The following CASQ2 variants were observed in gnomAD, a reference collection of about 807,000 sequenced individuals.
CASQ2 encodes calsequestrin 2.
A neutral mutation model predicts 46.5 loss-of-function variants in CASQ2; 49 were observed. The observed-to-expected ratio is 1.05, with a 90% CI of 0.84 to 1.34. The LOEUF is 1.34. Among genes scored for constraint, CASQ2 ranks in the 40% most tolerant of loss-of-function variants. The pLI is 0.00. For synonymous variants in CASQ2, 174 were observed against 168.5 expected (o/e 1.03, Z -0.25); for missense variants, 486 against 481.3 (o/e 1.01, Z -0.09).
chr1:115,762,124 C>T (rs994368028), intron 1 of CASQ2, among the ~76,000 whole-genome samples: 1 of 152,180 alleles, frequency 6.6e-6, no homozygotes, highest in Non-Finnish European at 1.5e-5. Flanking sequence ...TGAAAAACTA[C>T]AGGACTGGCA....
chr1:115,726,954 A>AACCCCCGCCCCCC, intron 6 of CASQ2, 38 bp downstream of exon 6: 1 of 1,108,068 alleles, frequency 9.0e-7, no homozygotes, highest in South Asian at 1.3e-5. Context: ...CATTCCCCAG[A>AACCCCCGCCCCCC]CCCCAGGCCC....
At chr1:115,713,935 G>A (rs1019991867) in intron 8 of CASQ2, among the ~76,000 whole-genome samples, 23 of 152,200 alleles carry the variant, frequency 1.5e-4, no homozygotes, top group African/African-American at 4.3e-4. Flanking sequence ...CCGCTTTCTT[G>A]TCTTTCAAAT....
At chr1:115,701,516 C>G (rs957303956) in intron 10 of CASQ2, 90 bp from the exon 11 acceptor site, 8 of 828,784 alleles carry the variant, frequency 9.7e-6, no homozygotes, top group African/African-American at 1.7e-5. Flanking sequence ...ATGCTGAGTG[C>G]CCCCCGACTC....
At chr1:115,757,304 G>C (rs926805420) in intron 1 of CASQ2, among the ~76,000 whole-genome samples, 45 of 152,276 alleles carry the variant, frequency 3.0e-4, no homozygotes, top group African/African-American at 1.0e-3. Context: ...CAGCACTTGG[G>C]ATTCACAGAG....
intron 2 of CASQ2, among the ~76,000 whole-genome samples, chr1:115,741,735 C>G (rs1490956364): frequency 1.3e-5 from 2 of 152,214 alleles, no homozygotes; most frequent in African/African-American, 4.8e-5. Flanking sequence ...CACCCTTGGT[C>G]TGATGTTGTG....
In CASQ2 at chr1:115,725,548, G is replaced by A. The variant is rs1458723608; in HGVS notation, c.743C>T (p.Thr248Ile). 7.2e-7 allele frequency: 1 copy of A among 1,392,408 alleles called. No individual in the cohort carries two copies. The highest frequency in any genetic ancestry group is 1.0e-6 in the Non-Finnish European group (1 of 1,004,494). 86.3% of individuals were successfully genotyped at this position (1,392,408 alleles called of 1,614,324 possible). A position where few individuals can be genotyped will look rare whatever the true frequency, so the allele number is the denominator to read the frequency against. Reference protein sequence around the residue: ...VEFVKEHQRPTLRRLRPEEMF... With the variant: ...VEFVKEHQRPILRRLRPEEMF... The stretch of plus-strand genomic sequence containing the variant: ...TTCTTCTGGGCGCAGGCGACGTAGA[G>A]TGGGTCTGGAAAAAAAAAAAAAAAA... The change falls in exon 7 of 11, where the codon ACT becomes ATT. Residue 248 changes from threonine to isoleucine, a missense_variant. Physicochemically the swap from Thr to Ile is moderately conservative, Grantham distance 89. Transcript: ENST00000261448.
chr1:115,701,545 C>A, intron 10 of CASQ2, 119 bp from the exon 11 acceptor site: 1 of 730,610 alleles, frequency 1.4e-6, no homozygotes, highest in Non-Finnish European at 2.5e-6. Flanking sequence ...TTATTAGGAA[C>A]GTGCACATTG....
At chr1:115,715,719 T>C (rs1343225629) in intron 8 of CASQ2, among the ~76,000 whole-genome samples, 1 of 152,206 alleles carries the variant, frequency 6.6e-6, no homozygotes, top group African/African-American at 2.4e-5. Context: ...ATAAATTATA[T>C]GATAAAAAAT....
At chr1:115,736,129 C>CTCCA (rs1325529706) in intron 4 of CASQ2, among the ~76,000 whole-genome samples, 1 of 148,808 alleles carries the variant, frequency 6.7e-6, no homozygotes, top group Non-Finnish European at 1.5e-5. Context: ...CACCATTGCA[C>CTCCA]TCCAGCCTGG....
At chr1:115,713,794 G>A (rs561699169) in intron 8 of CASQ2, among the ~76,000 whole-genome samples, 6 of 152,304 alleles carry the variant, frequency 3.9e-5, no homozygotes, top group Non-Finnish European at 8.8e-5. Context: ...TGCACTGGCT[G>A]GGGCATTGTT....
intron 1 of CASQ2, among the ~76,000 whole-genome samples, chr1:115,745,440 C>T (rs1447998312): frequency 1.3e-5 from 2 of 152,076 alleles, no homozygotes; most frequent in Non-Finnish European, 2.9e-5. Context: ...CTCAAGGTTT[C>T]CTGAAGCACA....
chr1:115,725,398 C>T (rs556993377), intron 7 of CASQ2, 110 bp downstream of exon 7: 7 of 1,201,146 alleles, frequency 5.8e-6, no homozygotes, highest in African/African-American at 3.0e-5. Flanking sequence ...TCTAGACATC[C>T]ACCTCAGCCA....
At chr1:115,734,863 T>C (rs1221629304) in intron 4 of CASQ2, among the ~76,000 whole-genome samples, 30 of 152,332 alleles carry the variant, frequency 2.0e-4, no homozygotes, top group Non-Finnish European at 1.5e-5. Flanking sequence ...TGGAATAATA[T>C]CATCTGTCTT....
chr1:115,727,584 C>T lies in CASQ2; in HGVS notation c.607-462G>A, dbSNP rs576798276. ...TCAGAATCAGAACCCAACCCATTAG[C>T]CTGTCTTTGATCTGCTCATAGCCCT... On this transcript the variant is annotated intron_variant, in intron 5 of 10. Coordinates refer to ENST00000261448, the MANE Select transcript of CASQ2 (RefSeq NM_001232.4). Among the ~76,000 whole-genome samples, 206 of 152,292 alleles carry T rather than the reference C, an allele frequency of 1.4e-3. 1 individual carries two copies. Among genetic ancestry groups the T allele is most frequent in the African/African-American group, 4.6e-3 (190 of 41,556 alleles).
chr1:115,743,749 C>G (rs1432297136), intron 2 of CASQ2, among the ~76,000 whole-genome samples: 7 of 128,750 alleles, frequency 5.4e-5, no homozygotes, highest in African/African-American at 7.7e-5. Context: ...TTCAAAGATC[C>G]TGTTTTATAA....
intron 1 of CASQ2, among the ~76,000 whole-genome samples, chr1:115,752,887 C>A (rs1273567853): frequency 6.6e-6 from 1 of 152,192 alleles, no homozygotes; most frequent in Non-Finnish European, 1.5e-5. Flanking sequence ...TCTCTGATCT[C>A]AGACCAAGAC....
intron 7 of CASQ2, among the ~76,000 whole-genome samples, chr1:115,718,823 T>C (rs1413252401): frequency 6.6e-6 from 1 of 152,188 alleles, no homozygotes; most frequent in Admixed American, 6.5e-5. Flanking sequence ...GCAATGATTA[T>C]TCCTGGAGAA....
chr1:115,712,505 C>G (rs1255062099), intron 8 of CASQ2, among the ~76,000 whole-genome samples: 1 of 152,152 alleles, frequency 6.6e-6, no homozygotes, highest in Non-Finnish European at 1.5e-5. Context: ...TATTTAACTT[C>G]TTCGTCCCTG....
intron 6 of CASQ2, among the ~76,000 whole-genome samples, chr1:115,726,450 A>T (rs1213598485): frequency 6.6e-6 from 1 of 152,206 alleles, no homozygotes; most frequent in East Asian, 1.9e-4. Context: ...AACCTGAAAT[A>T]TTTACCATTT....
Sources: allele counts gnomAD v4.1 joint callset (sites outside exome capture counted in the v4.1 genomes callset), GRCh38; gene constraint gnomAD v4.1.1; transcripts MANE v1.5; gene names NCBI Gene and HGNC (gene_info 2026-07-23, HGNC 2026-07-21).